The following MAGI2 variants were observed in gnomAD, a reference collection of about 807,000 sequenced individuals.
MAGI2 encodes membrane-associated guanylate kinase, WW and PDZ domain-containing protein 2.
In MAGI2, 35 loss-of-function variants were observed where a neutral mutation model predicts 133.3. That is an observed-to-expected ratio of 0.26 (90% CI 0.20 to 0.35). The LOEUF (loss-of-function observed/expected upper bound fraction) is 0.35, where lower values mean the gene tolerates loss of function less well. Ranked by LOEUF, MAGI2 falls within the 10% of genes least tolerant of loss-of-function variation. The pLI is 1.00. For synonymous variants in MAGI2, 729 were observed against 710.6 expected, an observed-to-expected ratio of 1.03 and a Z score of -0.41; for missense variants, 1,636 against 1,863.4, an observed-to-expected ratio of 0.88 and a Z score of 2.25.
At chr7:78,302,850 G>C (rs1337672114) in intron 9 of MAGI2, among the ~76,000 whole-genome samples, 1 of 152,080 alleles carries the variant, frequency 6.6e-6, no homozygotes, top group Non-Finnish European at 1.5e-5. Flanking sequence ...CAGTTGTTCT[G>C]CCTTAAATTC....
chr7:78,746,845 A>C (rs921615822), intron 2 of MAGI2, among the ~76,000 whole-genome samples: 2 of 152,220 alleles, frequency 1.3e-5, no homozygotes, highest in Non-Finnish European at 2.9e-5. Flanking sequence ...TTCACTAAGG[A>C]AAAATAAGAA....
intron 2 of MAGI2, among the ~76,000 whole-genome samples, chr7:78,693,445 T>C (rs930662388): frequency 1.3e-5 from 2 of 152,090 alleles, no homozygotes; most frequent in Non-Finnish European, 2.9e-5. Flanking sequence ...GCATTACGGG[T>C]CAAGCAGAAT....
intron 9 of MAGI2, among the ~76,000 whole-genome samples, chr7:78,298,543 A>G (rs1584778615): frequency 6.6e-6 from 1 of 152,276 alleles, no homozygotes; most frequent in African/African-American, 2.4e-5. Flanking sequence ...AAACTCTGTC[A>G]CCCAGCATGA....
chr7:79,281,703 G>A (rs917000259), intron 1 of MAGI2, among the ~76,000 whole-genome samples: 1 of 152,048 alleles, frequency 6.6e-6, no homozygotes, highest in Non-Finnish European at 1.5e-5. Flanking sequence ...TATCTTTATT[G>A]CTATACTAAA....
At chr7:78,973,835 A>G (rs1803998803) in intron 2 of MAGI2, among the ~76,000 whole-genome samples, 1 of 151,796 alleles carries the variant, frequency 6.6e-6, no homozygotes, top group African/African-American at 2.4e-5. Flanking sequence ...CCGTTACAAT[A>G]GTCACCTTTG....
intron 3 of MAGI2, among the ~76,000 whole-genome samples, chr7:78,549,068 A>G (rs1563154771): frequency 1.3e-5 from 2 of 152,224 alleles, no homozygotes; most frequent in African/African-American, 2.4e-5. Flanking sequence ...AACTACTTTT[A>G]TTAGCAGCAT....
At chr7:78,319,364 T>C (rs976419813) in intron 9 of MAGI2, among the ~76,000 whole-genome samples, 1 of 152,172 alleles carries the variant, frequency 6.6e-6, no homozygotes, top group African/African-American at 2.4e-5. Flanking sequence ...ATTCTAAAAT[T>C]GACCACGTGA....
chr7:78,684,817 C>T (rs1445812400), intron 2 of MAGI2, among the ~76,000 whole-genome samples: 3 of 152,064 alleles, frequency 2.0e-5, no homozygotes, highest in East Asian at 1.9e-4. Context: ...ATGTTCCACA[C>T]GTATACAAAA....
At chr7:78,266,503 A>G (rs1794021606) in intron 9 of MAGI2, among the ~76,000 whole-genome samples, 1 of 152,078 alleles carries the variant, frequency 6.6e-6, no homozygotes, top group African/African-American at 2.4e-5. Flanking sequence ...ACACTCAGCC[A>G]GAGCAGTGTT....
At chr7:78,901,552 T>C (rs369441696) in intron 2 of MAGI2, 45 of 152,314 alleles carry the variant, frequency 3.0e-4, no homozygotes, top group African/African-American at 1.0e-3. Flanking sequence ...GTCAGAAATA[T>C]TCAAGCAAGC....
chr7:78,431,565 A>G (rs1013692081), intron 6 of MAGI2, among the ~76,000 whole-genome samples: 8 of 152,138 alleles, frequency 5.3e-5, no homozygotes, highest in African/African-American at 1.9e-4. Context: ...GCAACTGGTC[A>G]GTCAAAAGCA....
intron 2 of MAGI2, among the ~76,000 whole-genome samples, chr7:78,658,135 G>C (rs1812509389): frequency 6.6e-6 from 1 of 152,158 alleles, no homozygotes; most frequent in Non-Finnish European, 1.5e-5. Context: ...CTTTTCAGGA[G>C]TTTTTGTACT....
chr7:78,395,654 T>C (rs1260265523), intron 6 of MAGI2, among the ~76,000 whole-genome samples: 1 of 152,238 alleles, frequency 6.6e-6, no homozygotes, highest in Non-Finnish European at 1.5e-5. Context: ...ATTTCAACTT[T>C]GAATTAACTT....
intron 2 of MAGI2, among the ~76,000 whole-genome samples, chr7:78,678,592 T>C (rs1217402395): frequency 1.3e-5 from 2 of 152,182 alleles, no homozygotes. Flanking sequence ...TTAGTGTTTA[T>C]CTCCTAACCT....
At chr7:78,183,566 T>G (rs530225103) in intron 13 of MAGI2, among the ~76,000 whole-genome samples, 17 of 151,908 alleles carry the variant, frequency 1.1e-4, no homozygotes, top group Non-Finnish European at 1.6e-4. Flanking sequence ...AATCGGCCAT[T>G]TTTGTATTTT....
chr7:79,301,795 T>A (rs1221481027), intron 1 of MAGI2, among the ~76,000 whole-genome samples: 1 of 152,224 alleles, frequency 6.6e-6, no homozygotes, highest in Non-Finnish European at 1.5e-5. Flanking sequence ...TCCCCAGTGC[T>A]GGAATAGGGC....
intron 2 of MAGI2, among the ~76,000 whole-genome samples, chr7:78,650,320 T>A (rs1811415976): frequency 6.6e-6 from 1 of 152,212 alleles, no homozygotes; most frequent in South Asian, 2.1e-4. Context: ...TCCAATTGCC[T>A]GAACTTCCAG....
chr7:78,240,075 C>T (rs568000449), intron 10 of MAGI2, among the ~76,000 whole-genome samples: 2 of 152,094 alleles, frequency 1.3e-5, no homozygotes, highest in Non-Finnish European at 2.9e-5. Flanking sequence ...TGTTGGTTTG[C>T]TGCACCCATC....
At chr7:78,230,616 T>C (rs1789869995) in intron 10 of MAGI2, among the ~76,000 whole-genome samples, 1 of 152,162 alleles carries the variant, frequency 6.6e-6, no homozygotes, top group Admixed American at 6.5e-5. Context: ...GCTCACAAAC[T>C]ACAATATCAA....
Sources: allele counts gnomAD v4.1 joint callset (sites outside exome capture counted in the v4.1 genomes callset), GRCh38; gene constraint gnomAD v4.1.1; transcripts MANE v1.5; gene names NCBI Gene and HGNC (gene_info 2026-07-23, HGNC 2026-07-21).